MYOZ1: variants seen among roughly 807,000 people sequenced by gnomAD.
MYOZ1 encodes the protein myozenin 1.
Under a neutral mutation model 28.7 loss-of-function variants are expected in MYOZ1, and 20 were observed. The ratio of observed to expected loss-of-function variants is 0.70; its 90% CI spans 0.49 to 1.01. The LOEUF is 1.01. Among genes scored for constraint, MYOZ1 ranks in the 50% least tolerant of loss-of-function variants. MYOZ1 has a pLI of 0.00. For synonymous variants in MYOZ1, 144 were observed against 145.8 expected, an observed-to-expected ratio of 0.99 and a Z score of 0.09; for missense variants, 371 against 372.4, an observed-to-expected ratio of 1.00 and a Z score of 0.03.
Position 73,639,964 on chromosome 10 carries a change from C to G in MYOZ1, c.54G>C (p.Leu18=), listed in dbSNP as rs113054407. Residue 18 remains leucine, a synonymous_variant, in exon 2 of 6, where the codon CTG becomes CTC. Transcript: ENST00000359322. ...TCCTACCTCCAGTGAGTTCCATGAT[C>G]AGCTTGCTGGATTTCCTCTTCTTAT... is the stretch of plus-strand genomic sequence containing the variant. ...APNKKRKSSK[L]IMELTGGGQE... 1.4e-5 allele frequency: 22 copies of G among 1,613,988 alleles called. No homozygotes were observed. In the African/African-American group the frequency reaches 2.4e-4, roughly 18 times the overall value.
In MYOZ1 at chr10:73,635,002, G is replaced by A. The variant is rs560079130; in HGVS notation, c.253-269C>T. On this transcript the variant is annotated intron_variant, in intron 3 of 5. Coordinates refer to ENST00000359322, the MANE Select transcript of MYOZ1 (RefSeq NM_021245.4). ...TGTGATGGCACGATCTCGGCTCACC[G>A]CAACCTCAGCCTTCCAGGTTCAAGC... Among the ~76,000 whole-genome samples, 23 of 152,112 alleles carry A rather than the reference G, an allele frequency of 1.5e-4. No individual in the cohort carries two copies. In the South Asian group the frequency reaches 4.4e-3, roughly 29 times the overall value.
At position 73,632,015 on chromosome 10, in the gene MYOZ1, G is replaced by A; in HGVS notation, c.815C>T (p.Pro272Leu). 1 of 1,614,114 alleles carries A rather than the reference G, an allele frequency of 6.2e-7. No individual in the cohort carries two copies. Among genetic ancestry groups the A allele is most frequent in the South Asian group, 1.1e-5 (1 of 91,074 alleles). The stretch of plus-strand genomic sequence containing the variant: ...CTCCCCAGAGCTCAGCCAGGGAATA[G>A]GGGTTCGATTGAAAGAAGGCCTGTT... ...LSNRPSFNRTPIPWLSSGEPV... is the reference protein window; with the variant it reads ...LSNRPSFNRTLIPWLSSGEPV... Residue 272 changes from proline (P) to leucine (L), a missense_variant, in exon 6 of 6, where the codon CCT becomes CTT. Transcript: ENST00000359322.
At chr10:73,632,656 C>A (rs1415130563) in intron 5 of MYOZ1, among the ~76,000 whole-genome samples, 2 of 150,838 alleles carry the variant, frequency 1.3e-5, no homozygotes, top group Non-Finnish European at 3.0e-5. Context: ...TGGTGGCGCA[C>A]CCCTGTCATC....
intron 2 of MYOZ1, among the ~76,000 whole-genome samples, chr10:73,639,198 C>T (rs1241775586): frequency 5.9e-5 from 9 of 152,018 alleles, no homozygotes; most frequent in African/African-American, 2.2e-4. Flanking sequence ...TCATGGCTCA[C>T]GGCAGCCTCC....
At chr10:73,633,481 G>C (rs1187833581) in intron 5 of MYOZ1, among the ~76,000 whole-genome samples, 1 of 152,016 alleles carries the variant, frequency 6.6e-6, no homozygotes, top group African/African-American at 2.4e-5. Context: ...GTAATCCCAG[G>C]TCTCAGGTAG....
Position 73,637,782 on chromosome 10 carries a change from A to G in MYOZ1, c.214T>C (p.Tyr72His), listed in dbSNP as rs552908214. ...GAGAAAACATCAGGGTGGTTCTCATAAATAAACTTCTCCACCCTCATCTGC... is the reference window on the plus strand; with the variant it reads ...GAGAAAACATCAGGGTGGTTCTCATGAATAAACTTCTCCACCCTCATCTGC... ...LRQMRVEKFIYENHPDVFSDS... is the reference protein window; with the variant it reads ...LRQMRVEKFIHENHPDVFSDS... Residue 72 changes from tyrosine to histidine, a missense_variant, in exon 3 of 6, where the codon TAT (tyrosine) becomes CAT (histidine). Coordinates refer to ENST00000359322, the MANE Select transcript of MYOZ1 (RefSeq NM_021245.4). 77 of 1,614,072 alleles carry G rather than the reference A, an allele frequency of 4.8e-5. 1 individual carries two copies. The highest frequency in any genetic ancestry group is 3.3e-4 in the Middle Eastern group (2 of 6,060).
chr10:73,637,014 CTTTT>C (rs1229338667), intron 3 of MYOZ1, among the ~76,000 whole-genome samples: 2 of 132,642 alleles, frequency 1.5e-5, no homozygotes, highest in Non-Finnish European at 3.2e-5. Context: ...TTTTTTCTTT[CTTTT>C]TTTTTTTTTT....
chr10:73,634,128 T>A lies in MYOZ1; in HGVS notation c.503-63A>T. 5 of 1,585,412 alleles carry A rather than the reference T, an allele frequency of 3.2e-6. No homozygotes were observed. The Middle Eastern group carries it at 7.0e-4, about 221-fold the overall frequency. Reference sequence around the variant, plus strand: ...GCATTTAGTAGCCAATGAAAGGTAATCCCACGCCCCTACACTAGGGAAATT... The same window carrying A: ...GCATTTAGTAGCCAATGAAAGGTAAACCCACGCCCCTACACTAGGGAAATT... On this transcript the variant is annotated intron_variant, in intron 4 of 5. Coordinates refer to ENST00000359322, the MANE Select transcript of MYOZ1 (RefSeq NM_021245.4).
intron 3 of MYOZ1, among the ~76,000 whole-genome samples, chr10:73,635,214 G>A (rs775154654): frequency 2.2e-4 from 34 of 151,670 alleles, no homozygotes; most frequent in Non-Finnish European, 4.9e-4. Context: ...GTTAGCCACC[G>A]CACCCAGCCC....
At chr10:73,634,792 CA>C (rs2132405835) in intron 3 of MYOZ1, 59 bp from the exon 4 acceptor site, 1 of 1,575,316 alleles carries the variant, frequency 6.3e-7, no homozygotes, top group East Asian at 2.3e-5. Context: ...TATACAAAAA[CA>C]GAGGTATGTT....
rs2081637005 is a variant in MYOZ1, at chr10:73,631,909, C to T, written c.*21G>A. 6.2e-7 allele frequency: 1 copy of T among 1,602,714 alleles called. No homozygotes were observed. The highest frequency in any genetic ancestry group is 8.5e-7 in the Non-Finnish European group (1 of 1,170,230). ...TTGGAGCCAGAGAGGGGAAATGATG[C>T]AAATCAGAGGAGGAAACACCTCACA... On this transcript the variant is annotated 3_prime_UTR_variant, in exon 6 of 6. Coordinates refer to ENST00000359322, the MANE Select transcript of MYOZ1 (RefSeq NM_021245.4).
At chr10:73,633,309 G>A (rs1164721212) in intron 5 of MYOZ1, among the ~76,000 whole-genome samples, 1 of 151,892 alleles carries the variant, frequency 6.6e-6, no homozygotes, top group African/African-American at 2.4e-5. Flanking sequence ...GAAAAAGAAG[G>A]AAAGAAAGAA....
intron 5 of MYOZ1, 70 bp downstream of exon 5, chr10:73,633,830 G>A (rs2081650267): frequency 1.0e-5 from 15 of 1,478,036 alleles, no homozygotes; most frequent in Non-Finnish European, 1.4e-5. Context: ...ATTTGAATTA[G>A]TCTCCATCCT....
At chr10:73,636,445 T>C (rs1437327841) in intron 3 of MYOZ1, among the ~76,000 whole-genome samples, 2 of 149,312 alleles carry the variant, frequency 1.3e-5, no homozygotes, top group East Asian at 4.0e-4. Flanking sequence ...GAATTTCAGA[T>C]GCACAACAAA....
intron 3 of MYOZ1, among the ~76,000 whole-genome samples, chr10:73,635,208 GCCACCGCAC>G (rs2081660441): frequency 6.6e-6 from 1 of 151,972 alleles, no homozygotes; most frequent in Non-Finnish European, 1.5e-5. Flanking sequence ...ACAGGCGTTA[GCCACCGCAC>G]CCAGCCCGAA....
chr10:73,632,265 G>T, intron 5 of MYOZ1, 104 bp from the exon 6 acceptor site: 2 of 1,051,260 alleles, frequency 1.9e-6, no homozygotes, highest in South Asian at 1.5e-5. Flanking sequence ...GTGAATTCTA[G>T]TTTGGGATTG....
rs1267014424 is a variant in MYOZ1 at position 73,634,016 on chromosome 10, A to T, written c.552T>A (p.Tyr184Ter). The change falls in exon 5 of 6, where the codon TAT becomes TAA. Residue 184 changes from tyrosine (Y) to a stop codon, truncating the protein, a stop_gained. Transcript: ENST00000359322. LOFTEE classifies it high-confidence loss of function. ...CCATGGCTCGCTCCCATGGGGAAATATAGGTCTTGAACACAGTGATATGTT... is the reference window on the plus strand; with the variant it reads ...CCATGGCTCGCTCCCATGGGGAAATTTAGGTCTTGAACACAGTGATATGTT... ...EGKHITVFKT[Y>*]ISPWERAMGV... 9 of 1,614,020 alleles carry T rather than the reference A, an allele frequency of 5.6e-6. No individual in the cohort carries two copies. Among genetic ancestry groups the T allele is most frequent in the Non-Finnish European group, 6.8e-6 (8 of 1,179,966 alleles).
chr10:73,637,746 T>C lies in MYOZ1; in HGVS notation c.250A>G (p.Met84Val), dbSNP rs556914936. ...NHPDVFSDSS[M>V]DHFQKFLPTV... ...TAGTGATAAAGTTCCAGACTCACCA[T>C]TGAGCTGTCAGAGAAAACATCAGGG... The change falls in exon 3 of 6, where the codon ATG (methionine) becomes GTG (valine). Residue 84 changes from methionine (M) to valine (V), a missense_variant and splice_region_variant. Coordinates refer to ENST00000359322, the MANE Select transcript of MYOZ1 (RefSeq NM_021245.4). The C allele has an allele frequency of 6.5e-5, 105 of 1,612,486 alleles. 2 individuals carry two copies. In the South Asian group the frequency reaches 1.0e-3, roughly 16 times the overall value.
rs764175440 is a variant in MYOZ1, at chr10:73,632,156, G to A, written c.674C>T (p.Ala225Val). The A allele has an allele frequency of 6.8e-6, 11 of 1,613,830 alleles. No individual in the cohort carries two copies. The South Asian group carries it at 1.2e-4, about 18-fold the overall frequency. ...LPKYKSFNRT[A>V]MPYGGYEKAS... ...CTTCTCATATCCACCATAGGGCATT[G>A]CCGTCCTGAGAAGGGGACACATTAT... The change falls in exon 6 of 6, where the codon GCA (alanine) becomes GTA (valine). Residue 225 changes from alanine (A) to valine (V), a missense_variant. Ala to Val is a moderately conservative substitution (Grantham distance 64). Coordinates refer to ENST00000359322, the MANE Select transcript of MYOZ1 (RefSeq NM_021245.4).
Sources: gnomAD v4.1 joint callset for allele counts (sites outside exome capture counted in the v4.1 genomes callset) on GRCh38, gnomAD v4.1.1 for gene constraint, MANE v1.5 for transcripts, NCBI Gene and HGNC (gene_info 2026-07-23, HGNC 2026-07-21) for gene names.